CCND1: variants seen among roughly 807,000 people sequenced by gnomAD.
CCND1 encodes cyclin D1.
A neutral mutation model predicts 26.1 loss-of-function variants in CCND1; 9 were observed. That is an observed-to-expected ratio of 0.35 (90% confidence interval 0.21 to 0.60). CCND1 has a LOEUF of 0.60. Among genes scored for constraint, CCND1 ranks in the 20% least tolerant of loss-of-function variants. The pLI is 0.79. For missense variants in CCND1, 335 were observed against 392.9 expected, an observed-to-expected ratio of 0.85 and a Z score of 1.25; for synonymous variants, 194 against 166.1, an observed-to-expected ratio of 1.17 and a Z score of -1.29.
chr11:69,647,006 G>A (rs1247692259), intron 3 of CCND1, among the ~76,000 whole-genome samples: 1 of 152,130 alleles, frequency 6.6e-6, no homozygotes, highest in East Asian at 1.9e-4. Flanking sequence ...CCAGATGTGC[G>A]GGACAGTCCC....
rs1360798886 is a variant in CCND1 at position 69,648,076 on chromosome 11, C to T, written c.657C>T (p.Ser219=). The T allele has an allele frequency of 2.5e-6, 4 of 1,613,836 alleles. No homozygotes were observed. The highest frequency in any genetic ancestry group is 2.7e-5 in the African/African-American group (2 of 74,928). ...VAAVQGLNLR[S]PNNFLSYYRL... is the part of the protein sequence containing the mutation. ...CAGTGCAAGGCCTGAACCTGAGGAGCCCCAACAACTTCCTGTCCTACTACC... is the reference window on the plus strand; with the variant it reads ...CAGTGCAAGGCCTGAACCTGAGGAGTCCCAACAACTTCCTGTCCTACTACC... Residue 219 remains serine, a synonymous_variant, in exon 4 of 5, where the codon AGC becomes AGT. Coordinates refer to ENST00000227507, the MANE Select transcript of CCND1 (RefSeq NM_053056.3).
In CCND1 at chr11:69,641,461, A is replaced by G. The variant is rs1332727287; in HGVS notation, c.148A>G (p.Lys50Glu). 6.2e-7 allele frequency: 1 copy of G among 1,613,400 alleles called. No individual in the cohort carries two copies. Among genetic ancestry groups the G allele is most frequent in the African/African-American group, 1.3e-5 (1 of 75,042 alleles). ...PSVSYFKCVQ[K>E]EVLPSMRKIV... ...GGTGTCCTACTTCAAATGTGTGCAG[A>G]AGGAGGTCCTGCCGTCCATGCGGAA... The change falls in exon 1 of 5, where the codon AAG becomes GAG. Residue 50 changes from lysine (K) to glutamate (E), a missense_variant. Lys to Glu is a moderately conservative substitution (Grantham distance 56). Coordinates refer to ENST00000227507, the MANE Select transcript of CCND1 (RefSeq NM_053056.3).
intron 1 of CCND1, among the ~76,000 whole-genome samples, chr11:69,642,070 G>A (rs1179241676): frequency 2.0e-5 from 3 of 152,078 alleles, no homozygotes; most frequent in African/African-American, 7.2e-5. Flanking sequence ...GCTAAGGGCC[G>A]CGCGGCTGCC....
intron 4 of CCND1, among the ~76,000 whole-genome samples, chr11:69,648,770 C>A (rs918162187): frequency 6.6e-6 from 1 of 152,074 alleles, no homozygotes; most frequent in African/African-American, 2.4e-5. Context: ...GCCGGCCCCG[C>A]GGTGTGTGAG....
chr11:69,646,618 G>T (rs1201486307), intron 3 of CCND1, among the ~76,000 whole-genome samples: 1 of 152,166 alleles, frequency 6.6e-6, no homozygotes, highest in Non-Finnish European at 1.5e-5. Context: ...CCGGCTCCCA[G>T]CCCAGGGCCC....
At chr11:69,648,771 G>A (rs1311785087) in intron 4 of CCND1, among the ~76,000 whole-genome samples, 3 of 152,220 alleles carry the variant, frequency 2.0e-5, no homozygotes, top group South Asian at 2.1e-4. Flanking sequence ...CCGGCCCCGC[G>A]GTGTGTGAGG....
chr11:69,651,204 C>T lies in CCND1; in HGVS notation c.810C>T (p.Ala270=), dbSNP rs774883943. 6.2e-6 allele frequency: 10 copies of T among 1,606,650 alleles called. No homozygotes were observed. Among genetic ancestry groups the T allele is most frequent in the African/African-American group, 2.7e-5 (2 of 74,428 alleles). Residue 270 remains alanine (A), a synonymous_variant, in exon 5 of 5, where the codon GCC becomes GCT. Coordinates refer to ENST00000227507, the MANE Select transcript of CCND1 (RefSeq NM_053056.3). Reference sequence around the variant, plus strand: ...CCCAGCAGAACATGGACCCCAAGGCCGCCGAGGAGGAGGAAGAGGAGGAGG... The same window carrying T: ...CCCAGCAGAACATGGACCCCAAGGCTGCCGAGGAGGAGGAAGAGGAGGAGG... ...RQAQQNMDPK[A]AEEEEEEEEE... is the part of the protein sequence containing the mutation.
chr11:69,642,641 C>A (rs1033567365), intron 1 of CCND1, among the ~76,000 whole-genome samples: 6 of 152,110 alleles, frequency 3.9e-5, no homozygotes, highest in Admixed American at 3.9e-4. Context: ...CTTTGTGTCT[C>A]GCAGGCGCGG....
In CCND1 at chr11:69,648,136, T is replaced by C. The variant is rs2120110224; in HGVS notation, c.717T>C (p.Cys239=). 1 of 1,613,800 alleles carries C rather than the reference T, an allele frequency of 6.2e-7. No individual in the cohort carries two copies. Residue 239 remains cysteine (C), a synonymous_variant, in exon 4 of 5, where the codon TGT becomes TGC. Transcript: ENST00000227507. ...LTRFLSRVIK[C]DPDCLRACQE... ...GCTTCCTCTCCAGAGTGATCAAGTGTGACCCGGTAAGTGAGGGTGATGTCC... is the reference window on the plus strand; with the variant it reads ...GCTTCCTCTCCAGAGTGATCAAGTGCGACCCGGTAAGTGAGGGTGATGTCC...
At position 69,653,837 on chromosome 11, in the gene CCND1, C is replaced by G; in HGVS notation, c.*2555C>G. The stretch of plus-strand genomic sequence containing the variant: ...CACGGCGTTGTACCTGTAGGACTCT[C>G]ATTCGGGATGATTGGAATAGCTTCT... On this transcript the variant is annotated 3_prime_UTR_variant, in exon 5 of 5. Transcript: ENST00000227507. 1 of 352,410 alleles carries G rather than the reference C, an allele frequency of 2.8e-6. No individual in the cohort carries two copies. Among genetic ancestry groups the G allele is most frequent in the South Asian group, 6.7e-5 (1 of 14,998 alleles). 21.8% of individuals were successfully genotyped at this position (352,410 alleles called of 1,614,324 possible).
In CCND1 at chr11:69,652,388, A is replaced by G; in HGVS notation, c.*1106A>G. ...CTAATGGAATGGTTTGGGAATATCC[A>G]TGTACTTGTTTGCAAGCAGGACTTT... On this transcript the variant is annotated 3_prime_UTR_variant, in exon 5 of 5. Coordinates refer to ENST00000227507, the MANE Select transcript of CCND1 (RefSeq NM_053056.3). 4.3e-6 allele frequency: 1 copy of G among 233,624 alleles called. No homozygotes were observed. Among genetic ancestry groups the G allele is most frequent in the Non-Finnish European group, 8.5e-6 (1 of 118,062 alleles). The allele number at this position is 233,624 out of a possible 1,614,324, so 14.5% of individuals were successfully genotyped here.
chr11:69,643,049 T>C lies in CCND1; in HGVS notation c.217T>C (p.Cys73Arg). 6.2e-7 allele frequency: 1 copy of C among 1,603,540 alleles called. No individual in the cohort carries two copies. Among genetic ancestry groups the C allele is most frequent in the Non-Finnish European group, 8.5e-7 (1 of 1,175,674 alleles). The change falls in exon 2 of 5, where the codon TGC (cysteine) becomes CGC (arginine). Residue 73 changes from cysteine (C) to arginine (R), a missense_variant. By Grantham distance (180) the Cys-to-Arg change is radical. Transcript: ENST00000227507. ...TCCGTAGGTCTGCGAGGAACAGAAG[T>C]GCGAGGAGGAGGTCTTCCCGCTGGC... is the stretch of plus-strand genomic sequence containing the variant. Reference protein sequence around the residue: ...WMLEVCEEQKCEEEVFPLAMN... With the variant: ...WMLEVCEEQKREEEVFPLAMN...
At chr11:69,644,023 C>G (rs770238927) in intron 3 of CCND1, 32 bp downstream of exon 3, 1 of 1,611,000 alleles carries the variant, frequency 6.2e-7, no homozygotes, top group Non-Finnish European at 8.5e-7. Context: ...CCGGCCTCCC[C>G]TTGAGAGCCG....
Position 69,653,528 on chromosome 11 carries a change from AGCGGGCAGGTTCTGCCTGCTTTG to A in CCND1, c.*2255_*2277del, listed in dbSNP as rs1363629659. The A allele has an allele frequency of 3.6e-6, 2 of 556,674 alleles. No homozygotes were observed. The highest frequency in any genetic ancestry group is 2.3e-5 in the South Asian group (1 of 43,618). 34.5% of individuals were successfully genotyped at this position (556,674 alleles called of 1,614,324 possible). A position where few individuals can be genotyped will look rare whatever the true frequency, so the allele number is the denominator to read the frequency against. On this transcript the variant is annotated 3_prime_UTR_variant, in exon 5 of 5. Transcript: ENST00000227507. Reference sequence around the variant, plus strand: ...TGCTTCACTTAGCCATGGTGGACCCAGCGGGCAGGTTCTGCCTGCTTTGGCGGGCAGACACGCGGGCGCGATCC... The same window carrying A: ...TGCTTCACTTAGCCATGGTGGACCCAGCGGGCAGACACGCGGGCGCGATCC...
In CCND1 at chr11:69,654,302, G is replaced by A. The variant is rs1445061410; in HGVS notation, c.*3020G>A. Reference sequence around the variant, plus strand: ...GCTGGTGGCAAGTGCACGGGGCACAGCGGAGTCTGTCCTGTGACGCGCAAG... The same window carrying A: ...GCTGGTGGCAAGTGCACGGGGCACAACGGAGTCTGTCCTGTGACGCGCAAG... On this transcript the variant is annotated 3_prime_UTR_variant, in exon 5 of 5. Transcript: ENST00000227507. The surrounding 1 kb of genome is among the most constrained non-coding windows in gnomAD (Gnocchi z 6.3). 7.1e-6 allele frequency: 5 copies of A among 702,498 alleles called. No homozygotes were observed. The highest frequency in any genetic ancestry group is 1.3e-5 in the Non-Finnish European group (5 of 385,006). The allele number at this position is 702,498 out of a possible 1,614,324, so 43.5% of individuals were successfully genotyped here. A position where few individuals can be genotyped will look rare whatever the true frequency, so the allele number is the denominator to read the frequency against.
rs1482952019 is a variant in CCND1 at position 69,641,421 on chromosome 11, G to C, written c.108G>C (p.Glu36Asp). 6.2e-7 allele frequency: 1 copy of C among 1,613,506 alleles called. No individual in the cohort carries two copies. The highest frequency in any genetic ancestry group is 8.5e-7 in the Non-Finnish European group (1 of 1,180,032). Residue 36 changes from glutamate to aspartate, a missense_variant, in exon 1 of 5, where the codon GAG (glutamate) becomes GAC (aspartate). Coordinates refer to ENST00000227507, the MANE Select transcript of CCND1 (RefSeq NM_053056.3). ...TGCGGGCCATGCTGAAGGCGGAGGA[G>C]ACCTGCGCGCCCTCGGTGTCCTACT... ...RVLRAMLKAEETCAPSVSYFK... is the reference protein window; with the variant it reads ...RVLRAMLKAEDTCAPSVSYFK...
At chr11:69,648,710 AG>A (rs3212879) in intron 4 of CCND1, among the ~76,000 whole-genome samples, 68,148 of 152,134 alleles carry the variant, frequency 0.45, 17,190 homozygotes, top group East Asian at 0.85. Flanking sequence ...GACAATCAAA[AG>A]GGTTTGTGGC....
Position 69,651,198 on chromosome 11 carries a change from CA to C in CCND1, c.806del (p.Lys269ArgfsTer86). The C allele has an allele frequency of 6.2e-7, 1 of 1,608,626 alleles. No individual in the cohort carries two copies. The highest frequency in any genetic ancestry group is 8.5e-7 in the Non-Finnish European group (1 of 1,176,976). On this transcript the variant is annotated frameshift_variant, in exon 5 of 5. Transcript: ENST00000227507. LOFTEE classifies it high-confidence loss of function. ...LRQAQQNMDP[K>X]AAEEEEEEEE... ...GCCAGGCCCAGCAGAACATGGACCC[CA>C]AGGCCGCCGAGGAGGAGGAAGAGGA...
At chr11:69,642,687 C>A (rs1855723245) in intron 1 of CCND1, among the ~76,000 whole-genome samples, 1 of 152,096 alleles carries the variant, frequency 6.6e-6, no homozygotes, top group Non-Finnish European at 1.5e-5. Context: ...GGCCCCGCAC[C>A]CCAGTTGGTG....
Sources: gnomAD v4.1 joint callset for allele counts (sites outside exome capture counted in the v4.1 genomes callset) on GRCh38, gnomAD v4.1.1 for gene constraint, Gnocchi (gnomAD v3.1) non-coding constraint, MANE v1.5 for transcripts, NCBI Gene and HGNC (gene_info 2026-07-23, HGNC 2026-07-21) for gene names.